Variants in KDM4C observed in about 807,000 individuals in gnomAD.
KDM4C encodes lysine demethylase 4C.
KDM4C carries 81 observed loss-of-function variants against 129.3 expected under a neutral mutation model. That is an observed-to-expected ratio of 0.63 (90% CI 0.52 to 0.75). The LOEUF (loss-of-function observed/expected upper bound fraction) is 0.75, where lower values mean the gene tolerates loss of function less well. Among genes scored for constraint, KDM4C ranks in the 30% least tolerant of loss-of-function variants. The pLI is 0.00. For missense variants in KDM4C, 1,457 were observed against 1,304.0 expected, an observed-to-expected ratio of 1.12 and a Z score of -1.81; for synonymous variants, 573 against 456.1, an observed-to-expected ratio of 1.26 and a Z score of -3.26.
intron 3 of KDM4C, among the ~76,000 whole-genome samples, chr9:6,812,711 G>A (rs1304843258): frequency 6.6e-6 from 1 of 152,090 alleles, no homozygotes; most frequent in Non-Finnish European, 1.5e-5. Flanking sequence ...GGGGATTGGG[G>A]ACCCATTCTC....
At chr9:6,914,557 G>A (rs1819958290) in intron 8 of KDM4C, among the ~76,000 whole-genome samples, 1 of 152,162 alleles carries the variant, frequency 6.6e-6, no homozygotes, top group African/African-American at 2.4e-5. Flanking sequence ...CATTAGCATT[G>A]TTTGTATTTA....
intron 5 of KDM4C, among the ~76,000 whole-genome samples, chr9:6,859,788 C>G (rs1840592999): frequency 6.6e-6 from 1 of 150,500 alleles, no homozygotes; most frequent in South Asian, 2.1e-4. Flanking sequence ...TGGCGTGAAC[C>G]TGAGATGCGG....
chr9:7,047,418 A>G (rs536449574), intron 16 of KDM4C, among the ~76,000 whole-genome samples: 1 of 149,784 alleles, frequency 6.7e-6, no homozygotes, highest in East Asian at 2.0e-4. Context: ...GTTAAGATTT[A>G]AAGGGATCAG....
chr9:7,154,624 G>A (rs773184385), intron 19 of KDM4C, among the ~76,000 whole-genome samples: 1 of 152,148 alleles, frequency 6.6e-6, no homozygotes, highest in Non-Finnish European at 1.5e-5. Context: ...AAGTATAGGA[G>A]TTTGGCCCTG....
At chr9:6,848,788 T>A (rs143234917) in intron 4 of KDM4C, among the ~76,000 whole-genome samples, 1 of 152,240 alleles carries the variant, frequency 6.6e-6, no homozygotes, top group South Asian at 2.1e-4. Flanking sequence ...CATATTGTTA[T>A]ACTGTTATAA....
intron 17 of KDM4C, among the ~76,000 whole-genome samples, chr9:7,087,724 G>T (rs537845211): frequency 1.3e-5 from 2 of 152,144 alleles, no homozygotes; most frequent in Admixed American, 6.5e-5. Context: ...AGAAGAGCCT[G>T]TTCTTTTATT....
At chr9:6,993,116 C>T (rs1486691469) in intron 12 of KDM4C, among the ~76,000 whole-genome samples, 1 of 152,046 alleles carries the variant, frequency 6.6e-6, no homozygotes, top group African/African-American at 2.4e-5. Context: ...TGACTCCTAG[C>T]CTGTTATTTT....
intron 6 of KDM4C, among the ~76,000 whole-genome samples, chr9:6,883,981 T>A (rs1844867527): frequency 6.6e-6 from 1 of 152,124 alleles, no homozygotes; most frequent in South Asian, 2.1e-4. Context: ...AAATTTTAAA[T>A]CTCGGTTTTC....
intron 20 of KDM4C, 143 bp from the exon 21 acceptor site, chr9:7,169,655 C>T (rs1844759720): frequency 2.5e-5 from 16 of 648,544 alleles, no homozygotes; most frequent in Non-Finnish European, 5.1e-6. Context: ...GGAAATAACT[C>T]TTCTTACTTC....
intron 4 of KDM4C, chr9:6,834,593 A>C: frequency 1.4e-6 from 1 of 738,692 alleles, no homozygotes; most frequent in Non-Finnish European, 2.5e-6. Flanking sequence ...GATGGTGGGC[A>C]TGGGTCGGAA....
intron 15 of KDM4C, among the ~76,000 whole-genome samples, chr9:7,045,637 C>T (rs1019562060): frequency 6.6e-6 from 1 of 151,906 alleles, no homozygotes; most frequent in African/African-American, 2.4e-5. Flanking sequence ...GTTGTTAACT[C>T]CTTGAGCTGG....
intron 3 of KDM4C, among the ~76,000 whole-genome samples, chr9:6,806,346 T>A (rs901905738): frequency 1.3e-5 from 2 of 151,688 alleles, no homozygotes; most frequent in African/African-American, 4.8e-5. Flanking sequence ...ACTACAAAAT[T>A]AACCATGCGT....
At chr9:7,081,617 G>C (rs1834528067) in intron 17 of KDM4C, among the ~76,000 whole-genome samples, 1 of 152,186 alleles carries the variant, frequency 6.6e-6, no homozygotes, top group Non-Finnish European at 1.5e-5. Context: ...ATAAATGCCA[G>C]AATCACACCT....
chr9:6,801,437 C>G (rs746071495), intron 2 of KDM4C, among the ~76,000 whole-genome samples: 2 of 151,026 alleles, frequency 1.3e-5, no homozygotes. Context: ...CGGGGTTTCA[C>G]TGTGTTAGCC....
At chr9:7,088,239 C>T (rs1291437656) in intron 17 of KDM4C, among the ~76,000 whole-genome samples, 1 of 152,112 alleles carries the variant, frequency 6.6e-6, no homozygotes, top group Non-Finnish European at 1.5e-5. Context: ...AGCCATGGGG[C>T]CAAAAGTACT....
rs532687391 is a variant in KDM4C at position 6,919,223 on chromosome 9, C to CTTTCT, written c.921+25993_921+25994insTCTTT. 1.1e-3 allele frequency among the ~76,000 whole-genome samples: 122 copies of CTTTCT among 109,014 alleles called. 2 individuals carry two copies. Among genetic ancestry groups the CTTTCT allele is most frequent in the African/African-American group, 2.9e-3 (94 of 32,758 alleles). The allele number at this position is 109,014 out of a possible 152,430, so 71.5% of individuals were successfully genotyped here. A position where few individuals can be genotyped will look rare whatever the true frequency, so the allele number is the denominator to read the frequency against. On this transcript the variant is annotated intron_variant, in intron 8 of 21. Transcript: ENST00000381309. ...TTACAGATTCTGAATTTTCTTTTTCCTTCTTTCTTTCTTTCTTTCTTTCTT... is the reference window on the plus strand; with the variant it reads ...TTACAGATTCTGAATTTTCTTTTTCCTTTCTTTCTTTCTTTCTTTCTTTCTTTCTT...
intron 12 of KDM4C, among the ~76,000 whole-genome samples, chr9:6,992,471 C>G (rs900854061): frequency 6.6e-6 from 1 of 152,154 alleles, no homozygotes; most frequent in African/African-American, 2.4e-5. Flanking sequence ...CTGGTGACCT[C>G]TGGGGATTTT....
At chr9:6,975,612 T>C (rs1050235405) in intron 8 of KDM4C, among the ~76,000 whole-genome samples, 20 of 152,218 alleles carry the variant, frequency 1.3e-4, no homozygotes, top group African/African-American at 4.3e-4. Context: ...GGGACTCTTA[T>C]TCTCTAGGCA....
In KDM4C at chr9:6,820,812, C is replaced by T. The variant is rs1019846432; in HGVS notation, c.435+6067C>T. On this transcript the variant is annotated intron_variant, in intron 4 of 21. Transcript: ENST00000381309. Reference sequence around the variant, plus strand: ...GGTATACATGTGCCATGTTGGTTTGCTGCACCCATCAACTCATCATTCACA... The same window carrying T: ...GGTATACATGTGCCATGTTGGTTTGTTGCACCCATCAACTCATCATTCACA... Among the ~76,000 whole-genome samples the T allele has an allele frequency of 2.0e-5, 3 of 150,040 alleles. No homozygotes were observed. The Admixed American group carries it at 2.0e-4, about 10-fold the overall frequency.
Sources: gnomAD v4.1 joint callset for allele counts (sites outside exome capture counted in the v4.1 genomes callset) on GRCh38, gnomAD v4.1.1 for gene constraint, MANE v1.5 for transcripts, NCBI Gene and HGNC (gene_info 2026-07-23, HGNC 2026-07-21) for gene names.